Variants in MCC observed in about 807,000 individuals in gnomAD.
MCC encodes the protein MCC regulator of Wnt signaling pathway.
MCC carries 90 observed loss-of-function variants against 116.2 expected under a neutral mutation model. The observed-to-expected ratio is 0.77, with a 90% CI of 0.65 to 0.92. MCC has a LOEUF of 0.92. Among genes scored for constraint, MCC ranks in the 40% least tolerant of loss-of-function variants. MCC has a pLI of 0.00. For synonymous variants in MCC, 578 were observed against 510.5 expected, an observed-to-expected ratio of 1.13 and a Z score of -1.78; for missense variants, 1,516 against 1,312.2, an observed-to-expected ratio of 1.16 and a Z score of -2.40.
intron 6 of MCC, among the ~76,000 whole-genome samples, chr5:113,109,524 G>T (rs961722656): frequency 2.6e-5 from 4 of 152,104 alleles, no homozygotes; most frequent in African/African-American, 9.7e-5. Flanking sequence ...TGCTTAACGG[G>T]TACAGAGTTT....
chr5:113,458,459 G>A (rs1168010401), intron 1 of MCC, among the ~76,000 whole-genome samples: 1 of 151,978 alleles, frequency 6.6e-6, no homozygotes, highest in Non-Finnish European at 1.5e-5. Context: ...AACTCCAGAC[G>A]CGCCACCTTA....
intron 1 of MCC, among the ~76,000 whole-genome samples, chr5:113,471,498 C>T (rs1772089341): frequency 6.6e-6 from 1 of 152,066 alleles, no homozygotes; most frequent in Non-Finnish European, 1.5e-5. Context: ...TACTGGTGAA[C>T]CACAGATGCT....
At chr5:113,163,482 C>T (rs1431557475) in intron 3 of MCC, among the ~76,000 whole-genome samples, 1 of 145,974 alleles carries the variant, frequency 6.9e-6, no homozygotes, top group African/African-American at 2.6e-5. Flanking sequence ...TCTCCCCCAT[C>T]CACTTTCTCT....
chr5:113,129,671 A>G (rs1260367338), intron 5 of MCC, among the ~76,000 whole-genome samples: 1 of 152,264 alleles, frequency 6.6e-6, no homozygotes, highest in African/African-American at 2.4e-5. Flanking sequence ...AAAAGTGGGC[A>G]AAGGATATGA....
At chr5:113,388,942 C>T (rs955323536) in intron 1 of MCC, among the ~76,000 whole-genome samples, 6 of 152,146 alleles carry the variant, frequency 3.9e-5, no homozygotes, top group Non-Finnish European at 8.8e-5. Context: ...ATAACAGGTA[C>T]ATTTTGGCAT....
chr5:113,063,937 T>C (rs890795185), intron 14 of MCC, 47 bp downstream of exon 14: 2 of 1,560,698 alleles, frequency 1.3e-6, no homozygotes, highest in Admixed American at 1.8e-5. Context: ...AGTGAACAGA[T>C]GCCATGTGGA....
Position 113,046,710 on chromosome 5 carries a change from A to AAAAAAAAAAAG in MCC, c.2655+2382_2655+2383insCTTTTTTTTTT. 9.7e-4 allele frequency among the ~76,000 whole-genome samples: 99 copies of AAAAAAAAAAAG among 102,446 alleles called. 16 individuals are homozygous for AAAAAAAAAAAG. Among genetic ancestry groups the AAAAAAAAAAAG allele is most frequent in the Non-Finnish European group, 1.2e-3 (63 of 51,338 alleles). The allele number at this position is 102,446 out of a possible 152,430, so 67.2% of individuals were successfully genotyped here. A position where few individuals can be genotyped will look rare whatever the true frequency, so the allele number is the denominator to read the frequency against. ...CAAAAAAAAAAAAAAAAAAAAAAAA[A>AAAAAAAAAAAG]AGAGAGAGATTTTGAAGGTGTTTGT... On this transcript the variant is annotated intron_variant, in intron 16 of 18. Coordinates refer to ENST00000408903, the MANE Select transcript of MCC (RefSeq NM_001085377.2).
At chr5:113,062,661 G>A (rs1358332644) in intron 14 of MCC, among the ~76,000 whole-genome samples, 2 of 152,310 alleles carry the variant, frequency 1.3e-5, no homozygotes, top group Non-Finnish European at 1.5e-5. Flanking sequence ...TTACACAGTA[G>A]AATATGGTTT....
At chr5:113,053,566 C>G (rs904259305) in intron 15 of MCC, among the ~76,000 whole-genome samples, 159 bp downstream of exon 15, 1 of 152,128 alleles carries the variant, frequency 6.6e-6, no homozygotes, top group Non-Finnish European at 1.5e-5. Context: ...CCCAAGTGAC[C>G]CCCAGACATA....
intron 1 of MCC, among the ~76,000 whole-genome samples, chr5:113,475,343 T>C (rs1772209652): frequency 6.6e-6 from 1 of 152,232 alleles, no homozygotes; most frequent in African/African-American, 2.4e-5. Context: ...AAACATTTAA[T>C]GCTTATTAGT....
chr5:113,347,959 C>A (rs1768174063), intron 2 of MCC, among the ~76,000 whole-genome samples: 1 of 151,930 alleles, frequency 6.6e-6, no homozygotes, highest in Admixed American at 6.6e-5. Flanking sequence ...CAAGAAAAAA[C>A]TATAAAAAGA....
intron 3 of MCC, among the ~76,000 whole-genome samples, chr5:113,228,330 T>TACAC (rs147587604): frequency 5.9e-5 from 9 of 151,392 alleles, no homozygotes; most frequent in Non-Finnish European, 1.0e-4. Context: ...ACACCTACCA[T>TACAC]ACACACACAC....
At chr5:113,146,053 G>GA (rs1330040813) in intron 4 of MCC, among the ~76,000 whole-genome samples, 2 of 151,902 alleles carry the variant, frequency 1.3e-5, no homozygotes, top group Non-Finnish European at 2.9e-5. Flanking sequence ...TATATTAGAG[G>GA]AAAAAAACCT....
intron 1 of MCC, among the ~76,000 whole-genome samples, chr5:113,452,697 C>T (rs1173550461): frequency 3.3e-5 from 5 of 152,222 alleles, no homozygotes; most frequent in Non-Finnish European, 5.9e-5. Context: ...ATTAATGCCA[C>T]ACCAGAAGGG....
In MCC at chr5:113,197,228, G is replaced by C. The variant is rs200187576; in HGVS notation, c.628-45806C>G. 3.3e-5 allele frequency among the ~76,000 whole-genome samples: 5 copies of C among 152,240 alleles called. No homozygotes were observed. The East Asian group carries it at 9.7e-4, about 29-fold the overall frequency. ...AGGAGATATAATTACAATTCAAAAG[G>C]GGGAATTTTTTTTTCCTAAACCAGT... On this transcript the variant is annotated intron_variant, in intron 3 of 18. Transcript: ENST00000408903.
Position 113,047,004 on chromosome 5 carries a change from C to G in MCC, c.2655+2089G>C, listed in dbSNP as rs114448096. ...CCCTCCGGGCCATTAAACGTGCTGT[C>G]CCATCAGCCTAAGGGCACCTCTTCT... On this transcript the variant is annotated intron_variant, in intron 16 of 18. Transcript: ENST00000408903. Among the ~76,000 whole-genome samples the G allele has an allele frequency of 8.0e-3, 1,221 of 152,298 alleles. 13 individuals carry two copies. Among genetic ancestry groups the G allele is most frequent in the African/African-American group, 0.027 (1,130 of 41,556 alleles).
chr5:113,300,647 C>A (rs1159739039), intron 3 of MCC, among the ~76,000 whole-genome samples: 1 of 152,026 alleles, frequency 6.6e-6, no homozygotes, highest in Non-Finnish European at 1.5e-5. Context: ...TTAGGGAGCC[C>A]TCAAAGTACA....
In MCC at chr5:113,371,206, C is replaced by A. The variant is rs1352257012; in HGVS notation, c.415+13762G>T. Among the ~76,000 whole-genome samples the A allele has an allele frequency of 2.0e-5, 3 of 152,066 alleles. No individual in the cohort carries two copies. The East Asian group carries it at 5.8e-4, about 29-fold the overall frequency. On this transcript the variant is annotated intron_variant, in intron 2 of 18. Coordinates refer to ENST00000408903, the MANE Select transcript of MCC (RefSeq NM_001085377.2). ...ACTGCACTCCAGCCTGGGTGACAGA[C>A]TAAGACTCCGTCTCAAAAAACAGAA...
intron 5 of MCC, among the ~76,000 whole-genome samples, chr5:113,140,457 A>G (rs1759111138): frequency 6.6e-6 from 1 of 152,168 alleles, no homozygotes; most frequent in Non-Finnish European, 1.5e-5. Flanking sequence ...CACTTAAGAG[A>G]TCTGACGTGG....
Sources: gnomAD v4.1 joint callset for allele counts (sites outside exome capture counted in the v4.1 genomes callset) on GRCh38, gnomAD v4.1.1 for gene constraint, MANE v1.5 for transcripts, NCBI Gene and HGNC (gene_info 2026-07-23, HGNC 2026-07-21) for gene names.